BPTF: variants seen among roughly 807,000 people sequenced by gnomAD.
The protein encoded by BPTF is nucleosome-remodeling factor subunit BPTF.
Under a neutral mutation model 292.5 loss-of-function variants are expected in BPTF, and 18 were observed. The observed-to-expected ratio is 0.06, with a 90% CI of 0.04 to 0.09. The LOEUF is 0.09. Among genes scored for constraint, BPTF ranks in the 10% least tolerant of loss-of-function variants. BPTF has a pLI of 1.00. For synonymous variants in BPTF, 1,225 were observed against 1,251.9 expected, an observed-to-expected ratio of 0.98 and a Z score of 0.45; for missense variants, 2,726 against 3,498.7, an observed-to-expected ratio of 0.78 and a Z score of 5.57.
chr17:67,847,042 C>T (rs1318765875), intron 1 of BPTF, among the ~76,000 whole-genome samples: 2 of 151,918 alleles, frequency 1.3e-5, no homozygotes, highest in African/African-American at 4.8e-5. Context: ...TTATTTGGGA[C>T]CTGTGTTGGT....
intron 23 of BPTF, among the ~76,000 whole-genome samples, chr17:67,952,344 A>G (rs559501049): frequency 3.4e-5 from 5 of 148,092 alleles, no homozygotes; most frequent in Non-Finnish European, 7.4e-5. Context: ...GTTCACTGCA[A>G]CCTCTGCCTG....
chr17:67,912,162 T>A lies in BPTF; in HGVS notation c.4278T>A (p.Ile1426=). 6.2e-7 allele frequency: 1 copy of A among 1,611,802 alleles called. No homozygotes were observed. Among genetic ancestry groups the A allele is most frequent in the Non-Finnish European group, 8.5e-7 (1 of 1,179,044 alleles). ...IYLKGECLKE[I]SESRVVSGNV... ...TGAAAGGTGAATGCTTGAAAGAAAT[T>A]TCTGAGAGTAGAGTAGTAAGTGGTA... The change falls in exon 11 of 28, where the codon ATT becomes ATA. Residue 1426 remains isoleucine (I), a synonymous_variant. Transcript: ENST00000306378.
At chr17:67,913,384 A>G (rs2062780476) in intron 11 of BPTF, among the ~76,000 whole-genome samples, 197 bp downstream of exon 11, 1 of 152,204 alleles carries the variant, frequency 6.6e-6, no homozygotes, top group Non-Finnish European at 1.5e-5. Context: ...GTAGGGAAAA[A>G]TGTTTAAAGT....
chr17:67,979,344 C>G (rs1159267164), intron 27 of BPTF, among the ~76,000 whole-genome samples: 1 of 152,060 alleles, frequency 6.6e-6, no homozygotes, highest in East Asian at 1.9e-4. Flanking sequence ...GATCAGGAGT[C>G]GAGACCAGCC....
chr17:67,944,520 G>A (rs1297617751), intron 20 of BPTF, 148 bp downstream of exon 20: 2 of 842,066 alleles, frequency 2.4e-6, no homozygotes, highest in African/African-American at 1.7e-5. Flanking sequence ...GCCTCACAAC[G>A]TCTCGAAGCT....
In BPTF at chr17:67,982,657, C is replaced by T. The variant is rs184000525; in HGVS notation, c.*369C>T. ...CAGTGAAGAAGCTGGTTTAGAGTCT[C>T]ACAGAAAACTTTTGACTGTATTTAT... On this transcript the variant is annotated 3_prime_UTR_variant, in exon 28 of 28. Coordinates refer to ENST00000306378, the MANE Select transcript of BPTF (RefSeq NM_182641.4). The T allele has an allele frequency of 1.1e-5, 2 of 176,176 alleles. No homozygotes were observed. Among genetic ancestry groups the T allele is most frequent in the East Asian group, 2.8e-4 (2 of 7,044 alleles). The allele number at this position is 176,176 out of a possible 1,614,324, so 10.9% of individuals were successfully genotyped here. A position where few individuals can be genotyped will look rare whatever the true frequency, so the allele number is the denominator to read the frequency against.
Position 67,909,633 on chromosome 17 carries a change from C to A in BPTF, c.2864C>A (p.Ser955Ter). The change falls in exon 10 of 28, where the codon TCA becomes TAA. Residue 955 changes from serine to a stop codon, truncating the protein, a stop_gained. Transcript: ENST00000306378. LOFTEE classifies it high-confidence loss of function. ...GATGAGTCAGATAAAAGAAAATGTT[C>A]ACGAAGTCCAAAAAAAATAAAAATA... ...NMDESDKRKC[S>*]RSPKKIKIEP... 2 of 1,590,830 alleles carry A rather than the reference C, an allele frequency of 1.3e-6. No individual in the cohort carries two copies. The highest frequency in any genetic ancestry group is 2.4e-5 in the South Asian group (2 of 85,056).
At chr17:67,929,009 A>G (rs2064142212) in intron 16 of BPTF, 1 of 1,207,610 alleles carries the variant, frequency 8.3e-7, no homozygotes, top group African/African-American at 1.6e-5. Flanking sequence ...CACAGGTCAG[A>G]CGTTCCAAAT....
At position 67,826,150 on chromosome 17, in the gene BPTF, C is replaced by CGAG. The variant is rs751039972; in HGVS notation, c.444_446dup (p.Glu148dup). 261 of 1,497,732 alleles carry CGAG rather than the reference C, an allele frequency of 1.7e-4. No homozygotes were observed. Among genetic ancestry groups the CGAG allele is most frequent in the East Asian group, 3.4e-4 (15 of 44,006 alleles). The allele number at this position is 1,497,732 out of a possible 1,614,324, so 92.8% of individuals were successfully genotyped here. ...AGGAGGAAGAGGAGGACATGGTCTCCGAGGAGGAGGAGGAGGAGGACGGCG... is the reference window on the plus strand; with the variant it reads ...AGGAGGAAGAGGAGGACATGGTCTCCGAGGAGGAGGAGGAGGAGGAGGACGGCG... On this transcript the variant is annotated inframe_insertion, in exon 1 of 28. Transcript: ENST00000306378.
At chr17:67,866,826 AAATGTGTCATTTGAC>A (rs1487302353) in intron 3 of BPTF, 139 bp downstream of exon 3, 1 of 662,272 alleles carries the variant, frequency 1.5e-6, no homozygotes, top group Non-Finnish European at 2.6e-6. Context: ...ACATTCTGAA[AAATGTGTCATTTGAC>A]AATGTCATCA....
At chr17:67,876,641 A>C (rs1160367949) in intron 4 of BPTF, among the ~76,000 whole-genome samples, 1 of 152,170 alleles carries the variant, frequency 6.6e-6, no homozygotes, top group Middle Eastern at 3.4e-3. Context: ...CCCCGTGTCT[A>C]CTGAAAATGC....
At chr17:67,898,675 T>C (rs530344953) in intron 7 of BPTF, among the ~76,000 whole-genome samples, 104 of 145,688 alleles carry the variant, frequency 7.1e-4, no homozygotes, top group Non-Finnish European at 1.2e-3. Context: ...TTTTTTTTTT[T>C]TGAAGATGTA....
At position 67,984,039 on chromosome 17, in the gene BPTF, T is replaced by C. The variant is rs1225454389; in HGVS notation, c.*1751T>C. ...CATGAAAAAATTTTTGCTTAAAGTA[T>C]TAAGATGGAAGTAGTTAAATATGGG... On this transcript the variant is annotated 3_prime_UTR_variant, in exon 28 of 28. Coordinates refer to ENST00000306378, the MANE Select transcript of BPTF (RefSeq NM_182641.4). 1 of 152,610 alleles carries C rather than the reference T, an allele frequency of 6.6e-6. No individual in the cohort carries two copies. 9.5% of individuals were successfully genotyped at this position (152,610 alleles called of 1,614,324 possible). A position where few individuals can be genotyped will look rare whatever the true frequency, so the allele number is the denominator to read the frequency against.
In BPTF at chr17:67,894,082, T is replaced by C; in HGVS notation, c.2460T>C (p.Phe820=). 6.2e-7 allele frequency: 1 copy of C among 1,614,112 alleles called. No individual in the cohort carries two copies. The highest frequency in any genetic ancestry group is 1.1e-5 in the South Asian group (1 of 91,088). ...AGATGTGTAGCAAACCCAGAGAATT[T>C]GCATTGGCTTTAGCCATTTTGGAGT... The part of the protein sequence containing the change: ...AVQMCSKPRE[F]ALALAILECA... Residue 820 remains phenylalanine, a synonymous_variant, in exon 7 of 28, where the codon TTT becomes TTC. Coordinates refer to ENST00000306378, the MANE Select transcript of BPTF (RefSeq NM_182641.4).
At chr17:67,875,864 G>A in intron 4 of BPTF, 1 of 834,492 alleles carries the variant, frequency 1.2e-6, no homozygotes, top group East Asian at 3.3e-5. Flanking sequence ...TGCTTACAGT[G>A]CCATCCCCAT....
chr17:67,910,486 T>C (rs1389138946), intron 10 of BPTF, among the ~76,000 whole-genome samples: 4 of 152,150 alleles, frequency 2.6e-5, no homozygotes, highest in Admixed American at 2.6e-4. Context: ...AGATAATGCA[T>C]GTGGCTAGAG....
At chr17:67,884,138 CTTTTTTTTTTT>C (rs200471908) in intron 4 of BPTF, among the ~76,000 whole-genome samples, 1 of 134,442 alleles carries the variant, frequency 7.4e-6, no homozygotes, top group Non-Finnish European at 1.7e-5. Context: ...CATTTTCTTT[CTTTTTTTTTTT>C]TTTTTTTTGA....
At chr17:67,875,169 CGTGT>C in intron 4 of BPTF, 149 bp downstream of exon 4, 1 of 686,498 alleles carries the variant, frequency 1.5e-6, no homozygotes, top group South Asian at 2.0e-5. Context: ...CCTCTTATAA[CGTGT>C]GTAACAATTG....
chr17:67,840,458 CTTGTTG>C (rs141331058), intron 1 of BPTF, among the ~76,000 whole-genome samples: 3 of 149,324 alleles, frequency 2.0e-5, no homozygotes, highest in East Asian at 2.0e-4. Flanking sequence ...TGCTGCTCCT[CTTGTTG>C]TTGTTGTTGC....
Sources: allele counts gnomAD v4.1 joint callset (sites outside exome capture counted in the v4.1 genomes callset), GRCh38; gene constraint gnomAD v4.1.1; transcripts MANE v1.5; gene names NCBI Gene and HGNC (gene_info 2026-07-23, HGNC 2026-07-21).